Variants in RAPH1 observed in about 807,000 individuals in gnomAD.
RAPH1 encodes ras-associated and pleckstrin homology domains-containing protein 1.
A neutral mutation model predicts 88.1 loss-of-function variants in RAPH1; 18 were observed. The ratio of observed to expected loss-of-function variants is 0.20; its 90% CI spans 0.14 to 0.30. The LOEUF is 0.30. Ranked by LOEUF, RAPH1 falls within the 10% of genes least tolerant of loss-of-function variation. RAPH1 has a pLI of 1.00. For missense variants in RAPH1, 1,448 were observed against 1,543.2 expected (o/e 0.94, Z 1.03); for synonymous variants, 587 against 559.0 (o/e 1.05, Z -0.71).
chr2:203,522,886 ACT>A (rs1383628310), intron 1 of RAPH1, among the ~76,000 whole-genome samples: 23 of 126,554 alleles, frequency 1.8e-4, no homozygotes, highest in Admixed American at 1.8e-3. Context: ...ACAGAGCAAG[ACT>A]CTGTCTCAAA....
At chr2:203,496,021 A>G (rs1688494014) in intron 1 of RAPH1, among the ~76,000 whole-genome samples, 2 of 152,252 alleles carry the variant, frequency 1.3e-5, no homozygotes, top group South Asian at 4.1e-4. Context: ...CTTTTCAAAT[A>G]TAAGTCCCTT....
chr2:203,526,706 C>CAA lies in RAPH1; in HGVS notation c.-1+8403_-1+8404dup, dbSNP rs34932665. On this transcript the variant is annotated intron_variant, in intron 1 of 13. Transcript: ENST00000319170. ...GTGAGATAGGAGCGAAACTCTGTCT[C>CAA]AAAAAAAAAAAAAAAAAAAAAATAC... Among the ~76,000 whole-genome samples, 124 of 80,264 alleles carry CAA rather than the reference C, an allele frequency of 1.5e-3. 1 individual carries two copies. Among genetic ancestry groups the CAA allele is most frequent in the East Asian group, 3.0e-3 (7 of 2,344 alleles). 52.7% of individuals were successfully genotyped at this position (80,264 alleles called of 152,430 possible).
intron 4 of RAPH1, among the ~76,000 whole-genome samples, chr2:203,468,133 T>C (rs558509294): frequency 2.0e-4 from 31 of 152,322 alleles, no homozygotes; most frequent in African/African-American, 7.0e-4. Flanking sequence ...CACTGCTGTA[T>C]CTCCAGGGTC....
chr2:203,521,544 T>C (rs1428587011), intron 1 of RAPH1, among the ~76,000 whole-genome samples: 2 of 152,166 alleles, frequency 1.3e-5, no homozygotes, highest in African/African-American at 2.4e-5. Context: ...AGGAAATTAT[T>C]TGGAGCAAAG....
intron 1 of RAPH1, among the ~76,000 whole-genome samples, chr2:203,497,340 A>G (rs1688562181): frequency 6.6e-6 from 1 of 152,224 alleles, no homozygotes; most frequent in Non-Finnish European, 1.5e-5. Context: ...TTATTGCAGC[A>G]GCACACATGG....
Position 203,439,071 on chromosome 2 carries a change from G to C in RAPH1, c.*366C>G, listed in dbSNP as rs2098500762. 5.1e-6 allele frequency: 1 copy of C among 195,942 alleles called. No individual in the cohort carries two copies. Among genetic ancestry groups the C allele is most frequent in the Admixed American group, 5.2e-5 (1 of 19,174 alleles). 12.1% of individuals were successfully genotyped at this position (195,942 alleles called of 1,614,324 possible). ...ACACTTATAAATACCTTCTAAATAA[G>C]TGATTAGAAGTTTTTGGTCCAATCC... is the stretch of plus-strand genomic sequence containing the variant. On this transcript the variant is annotated 3_prime_UTR_variant, in exon 14 of 14. Coordinates refer to ENST00000319170, the MANE Select transcript of RAPH1 (RefSeq NM_213589.3).
At chr2:203,451,550 G>A (rs892596652) in intron 10 of RAPH1, among the ~76,000 whole-genome samples, 2 of 152,074 alleles carry the variant, frequency 1.3e-5, no homozygotes, top group Non-Finnish European at 2.9e-5. Flanking sequence ...TTATACCAGG[G>A]TTAAGAGGAA....
intron 1 of RAPH1, among the ~76,000 whole-genome samples, chr2:203,512,067 C>T (rs1174658963): frequency 6.6e-6 from 1 of 151,814 alleles, no homozygotes; most frequent in East Asian, 1.9e-4. Context: ...GAGCCGAGAT[C>T]GCACCAATGC....
At chr2:203,524,895 G>C (rs1003914764) in intron 1 of RAPH1, among the ~76,000 whole-genome samples, 1 of 152,096 alleles carries the variant, frequency 6.6e-6, no homozygotes, top group Admixed American at 6.6e-5. Context: ...ATTTTTTAAA[G>C]AAACAAGCAA....
rs182717397 is a variant in RAPH1, at chr2:203,527,713, T to C, written c.-1+7398A>G. On this transcript the variant is annotated intron_variant, in intron 1 of 13. Transcript: ENST00000319170. ...TGCTCGGGAGACTGAGGCAGGAGAA[T>C]CGCTTGAACCCGGGAGGCGAAGGTT... Among the ~76,000 whole-genome samples the C allele has an allele frequency of 2.0e-3, 295 of 146,614 alleles. 6 individuals are homozygous for C. The highest frequency in any genetic ancestry group is 0.019 in the Admixed American group (265 of 14,170).
intron 2 of RAPH1, among the ~76,000 whole-genome samples, chr2:203,491,810 T>C (rs1410644478): frequency 6.6e-6 from 1 of 152,234 alleles, no homozygotes; most frequent in Non-Finnish European, 1.5e-5. Flanking sequence ...ATCTGGCCTA[T>C]GCTTACTTTT....
At chr2:203,483,744 A>G (rs1241768476) in intron 4 of RAPH1, among the ~76,000 whole-genome samples, 6 of 152,156 alleles carry the variant, frequency 3.9e-5, no homozygotes. Flanking sequence ...AGGGCCCCAG[A>G]TAGAACAAAA....
In RAPH1 at chr2:203,454,449, T is replaced by C; in HGVS notation, c.1394A>G (p.Asp465Gly). The C allele has an allele frequency of 5.6e-6, 9 of 1,612,156 alleles. No homozygotes were observed. The highest frequency in any genetic ancestry group is 7.6e-6 in the Non-Finnish European group (9 of 1,178,814). The change falls in exon 10 of 14, where the codon GAC (aspartate) becomes GGC (glycine). Residue 465 changes from aspartate (D) to glycine (G), a missense_variant. Physicochemically the swap from Asp to Gly is moderately conservative, Grantham distance 94. This residue lies in a region of RAPH1 where 513 missense variants were observed against 653.1 expected (regional missense o/e 0.79). Coordinates refer to ENST00000319170, the MANE Select transcript of RAPH1 (RefSeq NM_213589.3). ...GTTTACCTTCAGCACCAGACAATAG[T>C]CTGTAGGTGCTTTGTATTTGTTCCG... is the stretch of plus-strand genomic sequence containing the variant. ...DYRNKYKAPT[D>G]YCLVLKHPQI...
intron 12 of RAPH1, chr2:203,446,825 C>G (rs940750493): frequency 6.6e-6 from 1 of 151,790 alleles, no homozygotes; most frequent in African/African-American, 2.4e-5. Flanking sequence ...CTCACTGCAG[C>G]CTTGAACTTT....
chr2:203,489,980 G>A lies in RAPH1; in HGVS notation c.336C>T (p.Ile112=), dbSNP rs1467717543. ...ATTTCTGAGTAGCTTTCGTTTCTGTGATTTGACGCTTACTGTTTCCTGAAC... is the reference window on the plus strand; with the variant it reads ...ATTTCTGAGTAGCTTTCGTTTCTGTAATTTGACGCTTACTGTTTCCTGAAC... The part of the protein sequence containing the change: ...SIGSGNSKRQ[I]TETKATQKLP... Residue 112 remains isoleucine, a synonymous_variant, in exon 4 of 14, where the codon ATC becomes ATT. Transcript: ENST00000319170. 6.2e-7 allele frequency: 1 copy of A among 1,614,220 alleles called. No individual in the cohort carries two copies. Among genetic ancestry groups the A allele is most frequent in the Admixed American group, 1.7e-5 (1 of 60,032 alleles).
chr2:203,493,971 CAAAAAAAAAAAAAAAAAAA>C, intron 2 of RAPH1, among the ~76,000 whole-genome samples: 1 of 18,964 alleles, frequency 5.3e-5, no homozygotes, highest in East Asian at 2.1e-3. Context: ...GACTCTATCT[CAAAAAAAAAAAAAAAAAAA>C]AAAAAAAAGA....
chr2:203,496,692 G>A (rs1170689565), intron 1 of RAPH1, among the ~76,000 whole-genome samples: 1 of 152,086 alleles, frequency 6.6e-6, no homozygotes, highest in Non-Finnish European at 1.5e-5. Context: ...TAATATCATA[G>A]TTACTGACTA....
intron 10 of RAPH1, among the ~76,000 whole-genome samples, chr2:203,452,210 C>T (rs1335467030): frequency 6.6e-6 from 1 of 152,134 alleles, no homozygotes; most frequent in African/African-American, 2.4e-5. Context: ...TGGATTATGT[C>T]TACTGATATT....
At chr2:203,488,345 C>T (rs1355940771) in intron 4 of RAPH1, among the ~76,000 whole-genome samples, 1 of 150,326 alleles carries the variant, frequency 6.7e-6, no homozygotes. Context: ...ACCTGTAACC[C>T]CAGCACTTTG....
Sources: allele counts gnomAD v4.1 joint callset (sites outside exome capture counted in the v4.1 genomes callset), GRCh38; gene constraint gnomAD v4.1.1; regional missense constraint gnomAD v4.1.1; transcripts MANE v1.5; gene names NCBI Gene and HGNC (gene_info 2026-07-23, HGNC 2026-07-21).